The following NHSL1 variants were observed in gnomAD, a reference collection of about 807,000 sequenced individuals.
NHSL1 encodes the protein NHS-like protein 1.
A neutral mutation model predicts 95.0 loss-of-function variants in NHSL1; 48 were observed. The ratio of observed to expected loss-of-function variants is 0.51; its 90% CI spans 0.40 to 0.64. NHSL1 has a LOEUF of 0.64. NHSL1 is among the 30% of genes least tolerant of loss of function. NHSL1 has a pLI of 0.00. For synonymous variants in NHSL1, 783 were observed against 833.9 expected (o/e 0.94, Z 1.05); for missense variants, 1,971 against 2,077.7 (o/e 0.95, Z 1.00).
At chr6:138,505,256 G>C (rs1780898147) in intron 1 of NHSL1, among the ~76,000 whole-genome samples, 1 of 152,144 alleles carries the variant, frequency 6.6e-6, no homozygotes, top group Middle Eastern at 3.4e-3. Context: ...GACTAAAAAG[G>C]GTCATTTTCA....
chr6:138,643,226 T>G, intron 1 of NHSL1, among the ~76,000 whole-genome samples: 1 of 152,232 alleles, frequency 6.6e-6, no homozygotes, highest in East Asian at 1.9e-4. Context: ...GTTCCTTTTC[T>G]AAGACTTTAT....
At chr6:138,526,108 A>AT (rs1781896721) in intron 1 of NHSL1, among the ~76,000 whole-genome samples, 1 of 151,586 alleles carries the variant, frequency 6.6e-6, no homozygotes, top group African/African-American at 2.4e-5. Context: ...AAAAAAAAAA[A>AT]GAAAATATTT....
At chr6:138,509,898 CAG>C (rs1450102599) in intron 1 of NHSL1, among the ~76,000 whole-genome samples, 3 of 152,086 alleles carry the variant, frequency 2.0e-5, no homozygotes, top group Non-Finnish European at 2.9e-5. Flanking sequence ...AACTGAATAA[CAG>C]AGCTAAGAAA....
intron 1 of NHSL1, among the ~76,000 whole-genome samples, chr6:138,560,750 A>G (rs1783380284): frequency 1.3e-5 from 2 of 152,176 alleles, no homozygotes; most frequent in Admixed American, 1.3e-4. Flanking sequence ...ACCAATCAAG[A>G]CTAAAGCAAT....
intron 2 of NHSL1, among the ~76,000 whole-genome samples, chr6:138,494,821 A>C (rs1361044561): frequency 1.3e-5 from 2 of 152,192 alleles, no homozygotes; most frequent in Non-Finnish European, 2.9e-5. Flanking sequence ...TAGAATAAGA[A>C]GTTTGGTTTG....
chr6:138,430,852 C>T lies in NHSL1; in HGVS notation c.3493G>A (p.Gly1165Arg). 1 of 1,551,008 alleles carries T rather than the reference C, an allele frequency of 6.4e-7. No homozygotes were observed. The highest frequency in any genetic ancestry group is 1.7e-4 in the Middle Eastern group (1 of 5,992). ...ERGGPVSRSP[G>R]APSAGEAEAR... ...TCTGCCTCCCCAGCGCTTGGAGCTC[C>T]AGGGCTGCGGCTCACAGGGCCACCA... The change falls in exon 6 of 8, where the codon GGA becomes AGA. Residue 1165 changes from glycine to arginine, a missense_variant. Physicochemically the swap from Gly to Arg is moderately radical, Grantham distance 125. Transcript: ENST00000343505. This position sits in a 1 kb window ranked among gnomAD's most constrained non-coding sequence, Gnocchi z 4.7.
intron 1 of NHSL1, among the ~76,000 whole-genome samples, chr6:138,610,557 ATAT>A (rs373950901): frequency 0.086 from 7,032 of 81,852 alleles, 321 homozygotes; most frequent in African/African-American, 0.24. Context: ...AAATATATAT[ATAT>A]TATATATATA....
intron 1 of NHSL1, among the ~76,000 whole-genome samples, chr6:138,634,779 T>G (rs1413507357): frequency 6.7e-6 from 1 of 149,906 alleles, no homozygotes; most frequent in Non-Finnish European, 1.5e-5. Flanking sequence ...TACTCAAGGA[T>G]AGACCATATG....
chr6:138,665,898 T>C (rs186634970), intron 1 of NHSL1, among the ~76,000 whole-genome samples: 2 of 152,360 alleles, frequency 1.3e-5, no homozygotes, highest in East Asian at 1.9e-4. Context: ...CCCCAGGCTC[T>C]CTCTGTAGTT....
intron 1 of NHSL1, among the ~76,000 whole-genome samples, chr6:138,561,672 C>A (rs1241327190): frequency 6.6e-6 from 1 of 152,136 alleles, no homozygotes; most frequent in African/African-American, 2.4e-5. Flanking sequence ...CACAAGAACC[C>A]ACGATGTGCC....
chr6:138,498,614 A>C (rs1400572579), intron 1 of NHSL1, among the ~76,000 whole-genome samples: 1 of 152,216 alleles, frequency 6.6e-6, no homozygotes, highest in East Asian at 1.9e-4. Flanking sequence ...TTTTCAAGAG[A>C]ATGAAGAAGC....
intron 1 of NHSL1, among the ~76,000 whole-genome samples, chr6:138,597,767 A>C (rs1326823823): frequency 6.6e-6 from 1 of 152,168 alleles, no homozygotes. Flanking sequence ...ATTTCTCCTT[A>C]CATTGCAGGT....
intron 1 of NHSL1, among the ~76,000 whole-genome samples, chr6:138,587,126 C>T (rs1322975757): frequency 1.3e-5 from 2 of 151,934 alleles, no homozygotes; most frequent in Admixed American, 6.5e-5. Flanking sequence ...GCGCATGCCA[C>T]CATGCCCGGC....
intron 2 of NHSL1, among the ~76,000 whole-genome samples, chr6:138,475,370 A>G (rs1033710994): frequency 6.6e-6 from 1 of 151,796 alleles, no homozygotes; most frequent in Non-Finnish European, 1.5e-5. Context: ...CTATAGGTAC[A>G]TGCCATCACA....
intron 1 of NHSL1, among the ~76,000 whole-genome samples, chr6:138,599,385 G>A (rs989553603): frequency 6.6e-6 from 1 of 152,020 alleles, no homozygotes; most frequent in Non-Finnish European, 1.5e-5. Context: ...GGTGGCAGGT[G>A]CCTGTAATTC....
intron 1 of NHSL1, among the ~76,000 whole-genome samples, chr6:138,582,387 G>A (rs1784072967): frequency 1.3e-5 from 2 of 148,170 alleles, no homozygotes. Flanking sequence ...AAAAAGAGAT[G>A]GGACCAAAAA....
In NHSL1 at chr6:138,423,272, A is replaced by C. The variant is rs1453591578; in HGVS notation, c.*809T>G. ...CCCCTCTCTCTATGTCCACACCATCACTTCAGTTGTCAATGACCTCAGCTG... is the reference window on the plus strand; with the variant it reads ...CCCCTCTCTCTATGTCCACACCATCCCTTCAGTTGTCAATGACCTCAGCTG... On this transcript the variant is annotated 3_prime_UTR_variant, in exon 8 of 8. Transcript: ENST00000343505. The C allele has an allele frequency of 2.6e-5, 4 of 152,076 alleles. No individual in the cohort carries two copies. The highest frequency in any genetic ancestry group is 5.9e-5 in the Non-Finnish European group (4 of 68,028). 9.4% of individuals were successfully genotyped at this position (152,076 alleles called of 1,614,324 possible). A position where few individuals can be genotyped will look rare whatever the true frequency, so the allele number is the denominator to read the frequency against.
chr6:138,496,347 C>T lies in NHSL1; in HGVS notation c.83G>A (p.Ser28Asn). 5 of 1,550,378 alleles carry T rather than the reference C, an allele frequency of 3.2e-6. No individual in the cohort carries two copies. The highest frequency in any genetic ancestry group is 2.0e-4 in the Middle Eastern group (1 of 5,094). Residue 28 changes from serine to asparagine, a missense_variant, in exon 2 of 8, where the codon AGC (serine) becomes AAC (asparagine). Physicochemically the swap from Ser to Asn is conservative, Grantham distance 46. Coordinates refer to ENST00000343505, the MANE Select transcript of NHSL1 (RefSeq NM_001144060.2). ...GGCAGTGTAGTGGACTGTCCATCGG[C>T]TTTCCTCATCTAGGTTGGAAACCGC... ...KKTVSNLDEE[S>N]RWTVHYTAPW...
upstream of NHSL1, among the ~76,000 whole-genome samples, chr6:138,573,961 CAG>C (rs1452330384): frequency 6.6e-6 from 1 of 152,018 alleles, no homozygotes; most frequent in Non-Finnish European, 1.5e-5. Flanking sequence ...TTTTTTGAGA[CAG>C]AGTCTCACTC....
Sources: gnomAD v4.1 joint callset for allele counts (sites outside exome capture counted in the v4.1 genomes callset) on GRCh38, gnomAD v4.1.1 for gene constraint, Gnocchi (gnomAD v3.1) non-coding constraint, MANE v1.5 for transcripts, NCBI Gene and HGNC (gene_info 2026-07-23, HGNC 2026-07-21) for gene names.